Variants in ZFAT observed in about 807,000 individuals in gnomAD.
ZFAT encodes zinc finger protein ZFAT.
ZFAT carries 64 observed loss-of-function variants against 117.7 expected under a neutral mutation model. The ratio of observed to expected loss-of-function variants is 0.54; its 90% CI spans 0.44 to 0.67. The LOEUF (loss-of-function observed/expected upper bound fraction) is 0.67, where lower values mean the gene tolerates loss of function less well. ZFAT is among the 30% of genes least tolerant of loss of function. ZFAT has a pLI of 0.00. For synonymous variants in ZFAT, 679 were observed against 615.0 expected (o/e 1.10, Z -1.54); for missense variants, 1,433 against 1,584.5 (o/e 0.90, Z 1.62).
chr8:134,672,466 T>C (rs1335905666), intron 1 of ZFAT, among the ~76,000 whole-genome samples: 1 of 152,126 alleles, frequency 6.6e-6, no homozygotes, highest in African/African-American at 2.4e-5. Flanking sequence ...AAATGACAAG[T>C]TAATGGGTGC....
chr8:134,775,804 G>T, the ZFAT span, among the ~76,000 whole-genome samples: 6 of 152,260 alleles, frequency 3.9e-5, no homozygotes, highest in African/African-American at 1.4e-4. Context: ...ACCAGGGAGA[G>T]AAAACCCCAC....
chr8:134,761,092 T>G, the ZFAT span, among the ~76,000 whole-genome samples: 1 of 152,172 alleles, frequency 6.6e-6, no homozygotes, highest in African/African-American at 2.4e-5. Context: ...CTCTCCATAG[T>G]GAGACAAAGA....
chr8:134,737,028 C>G, the ZFAT span, among the ~76,000 whole-genome samples: 2 of 152,282 alleles, frequency 1.3e-5, no homozygotes, highest in Non-Finnish European at 2.9e-5. Flanking sequence ...CGCCTATAAT[C>G]CCAGCACTTT....
the ZFAT span, among the ~76,000 whole-genome samples, chr8:134,818,127 A>C: frequency 6.6e-6 from 1 of 152,190 alleles, no homozygotes; most frequent in Non-Finnish European, 1.5e-5. Context: ...ACAATCCATA[A>C]AAGAACTGAT....
the ZFAT span, among the ~76,000 whole-genome samples, chr8:134,787,733 T>A: frequency 2.0e-5 from 3 of 152,194 alleles, no homozygotes; most frequent in African/African-American, 7.2e-5. Flanking sequence ...ATATCATATA[T>A]TGAAGTTACA....
chr8:134,696,669 A>T (rs1377494908), intron 1 of ZFAT: 1 of 951,142 alleles, frequency 1.1e-6, no homozygotes, highest in Non-Finnish European at 1.3e-6. Flanking sequence ...GCCGCCACAG[A>T]GGCTCTGATT....
the ZFAT span, among the ~76,000 whole-genome samples, chr8:134,782,785 TTTTCTTTATAAA>T: frequency 1.5e-5 from 2 of 132,472 alleles, no homozygotes; most frequent in African/African-American, 7.5e-5. Flanking sequence ...TTAAACCTCT[TTTTCTTTATAAA>T]TTACCCAGTC....
At chr8:134,487,997 C>T (rs1386882667) in intron 15 of ZFAT, among the ~76,000 whole-genome samples, 6 of 152,182 alleles carry the variant, frequency 3.9e-5, no homozygotes, top group African/African-American at 9.7e-5. Flanking sequence ...GGAGGGAAGA[C>T]GCCCCACCAG....
At chr8:134,756,531 C>A in the ZFAT span, among the ~76,000 whole-genome samples, 1 of 152,232 alleles carries the variant, frequency 6.6e-6, no homozygotes, top group Non-Finnish European at 1.5e-5. Context: ...CGCTCATGTG[C>A]AGTGGATGCT....
the ZFAT span, among the ~76,000 whole-genome samples, chr8:134,819,897 C>A: frequency 1.3e-5 from 2 of 152,094 alleles, no homozygotes; most frequent in African/African-American, 2.4e-5. Flanking sequence ...CTTTTGGAAT[C>A]CCAGCCAAGG....
the ZFAT span, among the ~76,000 whole-genome samples, chr8:134,807,245 A>G: frequency 6.6e-6 from 1 of 152,316 alleles, no homozygotes; most frequent in East Asian, 1.9e-4. Context: ...CAGATGTCTC[A>G]AGTACAATGC....
the ZFAT span, among the ~76,000 whole-genome samples, chr8:134,776,836 T>A: frequency 1.3e-5 from 2 of 152,182 alleles, no homozygotes; most frequent in East Asian, 3.9e-4. Flanking sequence ...AGATGCAGAG[T>A]GGTATCTGCA....
At chr8:134,697,695 C>A (rs1172698645) in intron 1 of ZFAT, among the ~76,000 whole-genome samples, 1 of 150,804 alleles carries the variant, frequency 6.6e-6, no homozygotes, top group Non-Finnish European at 1.5e-5. Context: ...CCACTGCACT[C>A]CAGCCTGGGC....
At chr8:134,594,454 G>T (rs904878237) in intron 7 of ZFAT, among the ~76,000 whole-genome samples, 4 of 152,196 alleles carry the variant, frequency 2.6e-5, no homozygotes, top group African/African-American at 9.7e-5. Flanking sequence ...GTACATGTAA[G>T]ATTTCTTTTG....
Position 134,602,686 on chromosome 8 carries a change from T to C in ZFAT, c.1033A>G (p.Ile345Val), listed in dbSNP as rs776946561. The change falls in exon 6 of 16, where the codon ATC becomes GTC. Residue 345 changes from isoleucine (I) to valine (V), a missense_variant. Transcript: ENST00000377838. ...TTGATCTTCTTGTGCACTCGCTCGA[T>C]GTGCACCTTGAGGTGGCCCTTGCTC... ...CLSKGHLKVH[I>V]ERVHKKIKQH... The C allele has an allele frequency of 1.9e-6, 3 of 1,614,236 alleles. No homozygotes were observed. The highest frequency in any genetic ancestry group is 1.1e-5 in the South Asian group (1 of 91,088).
chr8:134,512,731 G>T, intron 13 of ZFAT, 130 bp from the exon 14 acceptor site: 1 of 1,197,114 alleles, frequency 8.4e-7, no homozygotes, highest in South Asian at 1.8e-5. Flanking sequence ...CATTTACCTG[G>T]CACCCCTGAG....
In ZFAT at chr8:134,601,813, A is replaced by G; in HGVS notation, c.1906T>C (p.Ser636Pro). The G allele has an allele frequency of 1.2e-6, 2 of 1,613,784 alleles. No individual in the cohort carries two copies. The highest frequency in any genetic ancestry group is 1.7e-6 in the Non-Finnish European group (2 of 1,179,856). Residue 636 changes from serine to proline, a missense_variant, in exon 6 of 16, where the codon TCC becomes CCC. This residue lies in a region of ZFAT where 372 missense variants were observed against 355.6 expected (regional missense o/e 1.05). Coordinates refer to ENST00000377838, the MANE Select transcript of ZFAT (RefSeq NM_020863.4). ...TQGEVITLLL[S>P]KAQSAGSDQE... ...TCTGACCCAGCACTCTGGGCCTTGG[A>G]CAGCAGTAGTGTGATCACTTCACCT...
At chr8:134,685,493 G>GT (rs1465727122) in intron 1 of ZFAT, among the ~76,000 whole-genome samples, 1 of 152,180 alleles carries the variant, frequency 6.6e-6, no homozygotes, top group African/African-American at 2.4e-5. Flanking sequence ...ACTCTGCTGT[G>GT]TTTGTTATAA....
In ZFAT at chr8:134,478,250, A is replaced by T; in HGVS notation, c.*232T>A. On this transcript the variant is annotated 3_prime_UTR_variant, in exon 16 of 16. Coordinates refer to ENST00000377838, the MANE Select transcript of ZFAT (RefSeq NM_020863.4). This position sits in a 1 kb window ranked among gnomAD's most constrained non-coding sequence, Gnocchi z 5.2. The stretch of plus-strand genomic sequence containing the variant: ...TGAAGTCTTTCAGGAAGCAGATGGT[A>T]AGGGTCAGGGGGTGTGTGTCTATGC... The T allele has an allele frequency of 1.8e-6, 1 of 569,790 alleles. No homozygotes were observed. The highest frequency in any genetic ancestry group is 2.4e-5 in the South Asian group (1 of 42,506). The allele number at this position is 569,790 out of a possible 1,614,324, so 35.3% of individuals were successfully genotyped here.
Sources: allele counts gnomAD v4.1 joint callset (sites outside exome capture counted in the v4.1 genomes callset), GRCh38; gene constraint gnomAD v4.1.1; regional missense constraint gnomAD v4.1.1; non-coding constraint Gnocchi (gnomAD v3.1); transcripts MANE v1.5; gene names NCBI Gene and HGNC (gene_info 2026-07-23, HGNC 2026-07-21).